TELO2: variants seen among roughly 807,000 people sequenced by gnomAD.
TELO2 encodes telomere maintenance 2.
TELO2 carries 71 observed loss-of-function variants against 91.0 expected under a neutral mutation model. That is an observed-to-expected ratio of 0.78 (90% CI 0.64 to 0.95). TELO2 has a LOEUF of 0.95. TELO2 is among the 40% of genes least tolerant of loss of function. TELO2 has a pLI of 0.00. For synonymous variants in TELO2, 584 were observed against 518.9 expected (o/e 1.13, Z -1.71); for missense variants, 1,183 against 1,141.3 (o/e 1.04, Z -0.53).
chr16:1,508,784 C>T (rs1015645288), intron 20 of TELO2, among the ~76,000 whole-genome samples: 12 of 152,298 alleles, frequency 7.9e-5, no homozygotes, highest in Non-Finnish European at 7.4e-5. Flanking sequence ...GAGCAGGGCA[C>T]GGTACCGATG....
At chr16:1,509,809 C>T in intron 20 of TELO2, 21 bp from the exon 21 acceptor site, 2 of 1,602,536 alleles carry the variant, frequency 1.2e-6, no homozygotes, top group Non-Finnish European at 1.7e-6. Flanking sequence ...CTCAGCTTTG[C>T]TTGTCACTCT....
In TELO2 at chr16:1,497,027, C is replaced by T. The variant is rs538504192; in HGVS notation, c.614-9C>T. 2 of 1,613,810 alleles carry T rather than the reference C, an allele frequency of 1.2e-6. No individual in the cohort carries two copies. Among genetic ancestry groups the T allele is most frequent in the Non-Finnish European group, 1.7e-6 (2 of 1,179,856 alleles). ...CGGCTTCCTCATCAGGCCTCCCTTT[C>T]TGTCCCAGGTGGCCTGGATTCCTCC... On this transcript the variant is annotated splice_polypyrimidine_tract_variant and intron_variant, in intron 3 of 20. Transcript: ENST00000262319. The surrounding 1 kb of genome is among the most constrained non-coding windows in gnomAD (Gnocchi z 4.0).
In TELO2 at chr16:1,497,535, G is replaced by A. The variant is rs1466832650; in HGVS notation, c.830+27G>A. The A allele has an allele frequency of 2.4e-5, 37 of 1,533,950 alleles. No homozygotes were observed. The highest frequency in any genetic ancestry group is 3.1e-5 in the Non-Finnish European group (35 of 1,142,558). ...TAAGCAGCCAGGCTGTCCTCCAGCT[G>A]CACTGGCTTCTGGGGTCTGGACCCC... On this transcript the variant is annotated intron_variant, in intron 5 of 20. Coordinates refer to ENST00000262319, the MANE Select transcript of TELO2 (RefSeq NM_016111.4). The surrounding 1 kb of genome is among the most constrained non-coding windows in gnomAD (Gnocchi z 4.0).
intron 10 of TELO2, 57 bp from the exon 11 acceptor site, chr16:1,501,606 C>A: frequency 6.4e-7 from 1 of 1,574,512 alleles, no homozygotes; most frequent in Admixed American, 1.8e-5. Flanking sequence ...CCTGTGAGTC[C>A]TGAGACCAGA....
At chr16:1,509,710 A>G in intron 20 of TELO2, 120 bp from the exon 21 acceptor site, 1 of 882,328 alleles carries the variant, frequency 1.1e-6, no homozygotes, top group East Asian at 2.7e-5. Flanking sequence ...TGCAGACCCG[A>G]GCCCCCTTTC....
rs1305696835 is a variant in TELO2 at position 1,505,567 on chromosome 16, A to T, written c.2000A>T (p.Glu667Val). The T allele has an allele frequency of 6.2e-7, 1 of 1,607,904 alleles. No homozygotes were observed. Among genetic ancestry groups the T allele is most frequent in the African/African-American group, 1.3e-5 (1 of 74,550 alleles). ...VASDWRVVVEERIRSKTQRLS... is the reference protein window; with the variant it reads ...VASDWRVVVEVRIRSKTQRLS... ...TCTGACTGGCGGGTGGTGGTGGAGG[A>T]GCGGATCAGAAGCAAGACCCAGCGG... The change falls in exon 16 of 21, where the codon GAG becomes GTG. Residue 667 changes from glutamate (E) to valine (V), a missense_variant. Physicochemically the swap from Glu to Val is moderately radical, Grantham distance 121 (BLOSUM62 -2). Transcript: ENST00000262319. The surrounding 1 kb of genome is among the most constrained non-coding windows in gnomAD (Gnocchi z 4.3).
chr16:1,499,131 C>G, intron 5 of TELO2, 100 bp from the exon 6 acceptor site: 1 of 1,225,258 alleles, frequency 8.2e-7, no homozygotes, highest in Non-Finnish European at 1.2e-6. Flanking sequence ...ATTGGCAGGC[C>G]GGGAGTCAGG....
chr16:1,498,644 C>T (rs369765966), intron 5 of TELO2, among the ~76,000 whole-genome samples: 4 of 151,904 alleles, frequency 2.6e-5, no homozygotes, highest in Admixed American at 6.6e-5. Context: ...CTTTGTTGCC[C>T]GGCTGGTCTC....
At chr16:1,503,751 G>A (rs1406876110) in intron 15 of TELO2, among the ~76,000 whole-genome samples, 2 of 152,180 alleles carry the variant, frequency 1.3e-5, no homozygotes, top group African/African-American at 2.4e-5. Flanking sequence ...TTCAGCTTGG[G>A]AAGGCAAAAG....
In TELO2 at chr16:1,500,092, GCAGACGCC is replaced by G. The variant is rs1201739811; in HGVS notation, c.934-1_940del. The G allele has an allele frequency of 6.2e-7, 1 of 1,608,490 alleles. No individual in the cohort carries two copies. On this transcript the variant is annotated splice_acceptor_variant and splice_polypyrimidine_tract_variant and coding_sequence_variant and intron_variant, in exon 7 of 21. Transcript: ENST00000262319. LOFTEE classifies it high-confidence loss of function. ...CAGTGGACAGGCATGTGCTTTTATT[GCAGACGCC>G]CATGCTGCAGAGCCTGCTGGGCCAT...
Position 1,497,003 on chromosome 16 carries a change from G to A in TELO2, c.614-33G>A, listed in dbSNP as rs372624688. 2,108 of 1,610,120 alleles carry A rather than the reference G, an allele frequency of 1.3e-3. 6 individuals carry two copies. Among genetic ancestry groups the A allele is most frequent in the South Asian group, 2.2e-3 (200 of 90,598 alleles). ...AGATGTTCTTTTGTGCCTTCCCGCC[G>A]GCTTCCTCATCAGGCCTCCCTTTCT... On this transcript the variant is annotated intron_variant, in intron 3 of 20. Coordinates refer to ENST00000262319, the MANE Select transcript of TELO2 (RefSeq NM_016111.4). This position sits in a 1 kb window ranked among gnomAD's most constrained non-coding sequence, Gnocchi z 4.0.
chr16:1,507,360 C>T lies in TELO2; in HGVS notation c.2281C>T (p.His761Tyr). 2 of 1,610,902 alleles carry T rather than the reference C, an allele frequency of 1.2e-6. No individual in the cohort carries two copies. Among genetic ancestry groups the T allele is most frequent in the South Asian group, 1.1e-5 (1 of 91,050 alleles). Residue 761 changes from histidine (H) to tyrosine (Y), a missense_variant, in exon 19 of 21, where the codon CAC becomes TAC. His to Tyr is a moderately conservative substitution (Grantham distance 83). Coordinates refer to ENST00000262319, the MANE Select transcript of TELO2 (RefSeq NM_016111.4). ...GGAATTCGTGTGGGCCCTTCGCTTC[C>T]ACATCGATGCGTGAGTGGCCTGTGG... ...LLEFVWALRF[H>Y]IDAYVRQGLL... is the part of the protein sequence containing the mutation.
intron 5 of TELO2, 99 bp from the exon 6 acceptor site, chr16:1,499,132 G>A (rs569481659): frequency 3.4e-5 from 42 of 1,239,350 alleles, no homozygotes; most frequent in African/African-American, 3.0e-4. Flanking sequence ...TTGGCAGGCC[G>A]GGAGTCAGGC....
At position 1,507,849 on chromosome 16, in the gene TELO2, GGTGTGTGTGTGTGTGTGTGTGT is replaced by G. The variant is rs560652753; in HGVS notation, c.2407+157_2407+178del. 4.2e-5 allele frequency: 13 copies of G among 308,278 alleles called. 2 individuals carry two copies. The highest frequency in any genetic ancestry group is 2.0e-3 in the Middle Eastern group (2 of 984). The allele number at this position is 308,278 out of a possible 1,614,324, so 19.1% of individuals were successfully genotyped here. Reference sequence around the variant, plus strand: ...GTGTGTGTGATGTGTGTTGGCCCGGGGTGTGTGTGTGTGTGTGTGTGTGTGTGTGTGTGTGTGTGTGTGTGAT... The same window carrying G: ...GTGTGTGTGATGTGTGTTGGCCCGGGGTGTGTGTGTGTGTGTGTGTGTGAT... On this transcript the variant is annotated intron_variant, in intron 20 of 20. Transcript: ENST00000262319.
Position 1,502,295 on chromosome 16 carries a change from T to C in TELO2, c.1562-18T>C, listed in dbSNP as rs1262414627. 2 of 1,591,614 alleles carry C rather than the reference T, an allele frequency of 1.3e-6. No individual in the cohort carries two copies. Among genetic ancestry groups the C allele is most frequent in the African/African-American group, 2.7e-5 (2 of 74,560 alleles). ...GTCAGGGCTGAGGCTGACCGAGGCC[T>C]CTCTGGGTTCTGTGCAGCCCTGACC... On this transcript the variant is annotated intron_variant, in intron 12 of 20. Transcript: ENST00000262319.
chr16:1,501,366 G>A lies in TELO2; in HGVS notation c.1282-54G>A, dbSNP rs1269267140. On this transcript the variant is annotated intron_variant, in intron 9 of 20. Coordinates refer to ENST00000262319, the MANE Select transcript of TELO2 (RefSeq NM_016111.4). ...GGAGTGGCTCCCGTGGCTCCGTCTC[G>A]GGGAGGGGCGCTGCAGCCTGGCGGA... 17 of 1,573,968 alleles carry A rather than the reference G, an allele frequency of 1.1e-5. No individual in the cohort carries two copies. In the East Asian group the frequency reaches 1.2e-4, roughly 11 times the overall value.
chr16:1,507,605 G>C lies in TELO2; in HGVS notation c.2296G>C (p.Val766Leu). 3 of 1,588,330 alleles carry C rather than the reference G, an allele frequency of 1.9e-6. No individual in the cohort carries two copies. Among genetic ancestry groups the C allele is most frequent in the Non-Finnish European group, 2.6e-6 (3 of 1,174,512 alleles). Residue 766 changes from valine to leucine, a missense_variant, in exon 20 of 21, where the codon GTG (valine) becomes CTG (leucine). Physicochemically the swap from Val to Leu is conservative, Grantham distance 32. Transcript: ENST00000262319. ...WALRFHIDAY[V>L]RQGLLSAVSS... ...CCCCCGCCTTCTTGCCGGCAGCTACGTGCGCCAGGGGCTGTTGTCGGCCGT... is the reference window on the plus strand; with the variant it reads ...CCCCCGCCTTCTTGCCGGCAGCTACCTGCGCCAGGGGCTGTTGTCGGCCGT...
intron 12 of TELO2, 49 bp downstream of exon 12, chr16:1,502,184 C>G: frequency 3.1e-6 from 5 of 1,606,898 alleles, no homozygotes; most frequent in Non-Finnish European, 4.2e-6. Flanking sequence ...ATGGGTCCCG[C>G]TCACAGCCTG....
rs1172855356 is a variant in TELO2 at position 1,494,648 on chromosome 16, G to A, written c.335+32G>A. ...GGGCTGGGCCCATCCTGGGGTTGCC[G>A]GTAGCCTCAGAAGTGATGAGAGTGG... On this transcript the variant is annotated intron_variant, in intron 2 of 20. Transcript: ENST00000262319. This position sits in a 1 kb window ranked among gnomAD's most constrained non-coding sequence, Gnocchi z 5.6. 1.3e-5 allele frequency: 21 copies of A among 1,585,172 alleles called. No homozygotes were observed. The highest frequency in any genetic ancestry group is 5.7e-5 in the South Asian group (5 of 87,922).
Sources: gnomAD v4.1 joint callset for allele counts (sites outside exome capture counted in the v4.1 genomes callset) on GRCh38, gnomAD v4.1.1 for gene constraint, Gnocchi (gnomAD v3.1) non-coding constraint, MANE v1.5 for transcripts, NCBI Gene and HGNC (gene_info 2026-07-23, HGNC 2026-07-21) for gene names.